Variants in REEP3 observed in about 807,000 individuals in gnomAD.
REEP3 encodes the protein receptor accessory protein 3, also known as receptor expression-enhancing protein 3.
Under a neutral mutation model 41.3 loss-of-function variants are expected in REEP3, and 20 were observed. The observed-to-expected ratio is 0.48, with a 90% CI of 0.34 to 0.70. The LOEUF (loss-of-function observed/expected upper bound fraction) is 0.70, where lower values mean the gene tolerates loss of function less well. REEP3 is among the 30% of genes least tolerant of loss of function. REEP3 has a pLI of 0.01. For synonymous variants in REEP3, 104 were observed against 101.8 expected (o/e 1.02, Z -0.13); for missense variants, 271 against 308.8 (o/e 0.88, Z 0.92).
intron 5 of REEP3, among the ~76,000 whole-genome samples, chr10:63,603,991 C>A (rs953899333): frequency 1.1e-4 from 17 of 152,138 alleles, no homozygotes; most frequent in Non-Finnish European, 2.1e-4. Flanking sequence ...AGAAAGCCAA[C>A]AGTAAGATCT....
intron 1 of REEP3, among the ~76,000 whole-genome samples, chr10:63,531,364 T>G (rs1366593587): frequency 2.0e-5 from 3 of 152,248 alleles, no homozygotes; most frequent in African/African-American, 7.2e-5. Flanking sequence ...TCCTGTGCAT[T>G]GTGGGATGTT....
At chr10:63,575,856 C>T (rs1183892837) in intron 2 of REEP3, among the ~76,000 whole-genome samples, 2 of 152,172 alleles carry the variant, frequency 1.3e-5, no homozygotes, top group East Asian at 1.9e-4. Context: ...GTCTCAGCCT[C>T]CTGAGTAGCT....
intron 1 of REEP3, among the ~76,000 whole-genome samples, chr10:63,523,950 G>A (rs1250201996): frequency 6.6e-6 from 1 of 152,200 alleles, no homozygotes; most frequent in African/African-American, 2.4e-5. Flanking sequence ...CCTAACTGGA[G>A]AGAGGGGATT....
chr10:63,565,692 T>G (rs1955791606), intron 1 of REEP3, among the ~76,000 whole-genome samples: 1 of 152,198 alleles, frequency 6.6e-6, no homozygotes, highest in African/African-American at 2.4e-5. Context: ...AATAAGATAT[T>G]GCCTGTGATT....
At chr10:63,604,889 T>G (rs1956209315) in intron 5 of REEP3, among the ~76,000 whole-genome samples, 2 of 152,298 alleles carry the variant, frequency 1.3e-5, no homozygotes, top group Admixed American at 1.3e-4. Flanking sequence ...GAAACATGAT[T>G]TCTAAAACCC....
At chr10:63,552,927 C>A (rs1430608430) in intron 1 of REEP3, among the ~76,000 whole-genome samples, 1 of 152,174 alleles carries the variant, frequency 6.6e-6, no homozygotes, top group Non-Finnish European at 1.5e-5. Context: ...ATAAAGTTCC[C>A]ACCTCTCTGA....
At chr10:63,596,336 G>A (rs2133407711) in intron 3 of REEP3, among the ~76,000 whole-genome samples, 1 of 152,108 alleles carries the variant, frequency 6.6e-6, no homozygotes, top group East Asian at 1.9e-4. Flanking sequence ...CTACATCGAA[G>A]TTTCCAAGTT....
At chr10:63,592,890 C>G (rs1453709042) in intron 2 of REEP3, among the ~76,000 whole-genome samples, 3 of 151,968 alleles carry the variant, frequency 2.0e-5, no homozygotes, top group Non-Finnish European at 2.9e-5. Context: ...AAGACTCTGT[C>G]TCAAAAAACA....
chr10:63,598,283 C>A, intron 4 of REEP3, 139 bp downstream of exon 4: 1 of 483,886 alleles, frequency 2.1e-6, no homozygotes, highest in Non-Finnish European at 3.6e-6. Flanking sequence ...AATATGAGAC[C>A]AGCCTGGCCA....
intron 1 of REEP3, among the ~76,000 whole-genome samples, chr10:63,560,624 C>G (rs1955731870): frequency 6.6e-6 from 1 of 152,176 alleles, no homozygotes; most frequent in Non-Finnish European, 1.5e-5. Flanking sequence ...AAAATTTCCC[C>G]TCTTTAGACG....
chr10:63,595,024 C>T (rs1209244017), intron 3 of REEP3, among the ~76,000 whole-genome samples, 170 bp downstream of exon 3: 1 of 152,102 alleles, frequency 6.6e-6, no homozygotes, highest in Non-Finnish European at 1.5e-5. Context: ...CTTTTAGTCC[C>T]CATCAAATAA....
rs16918582 is a variant in REEP3 at position 63,544,568 on chromosome 10, A to C, written c.33-21770A>C. ...AGGTGTCAAACATGAGAGGAAGAAA[A>C]GGTTTAGAGAAGGAATGATGAGCTT... On this transcript the variant is annotated intron_variant, in intron 1 of 7. Transcript: ENST00000373758. 1.7e-3 allele frequency among the ~76,000 whole-genome samples: 261 copies of C among 152,224 alleles called. 6 individuals are homozygous for C. The East Asian group carries it at 0.043, about 25-fold the overall frequency.
intron 2 of REEP3, among the ~76,000 whole-genome samples, chr10:63,589,521 C>T (rs1956038068): frequency 6.6e-6 from 1 of 152,156 alleles, no homozygotes; most frequent in African/African-American, 2.4e-5. Flanking sequence ...ACTGCCACCA[C>T]CAGTTAGCTG....
At chr10:63,574,661 G>C (rs1401699264) in intron 2 of REEP3, among the ~76,000 whole-genome samples, 7 of 151,836 alleles carry the variant, frequency 4.6e-5, no homozygotes, top group African/African-American at 7.3e-5. Flanking sequence ...TCACTATCTT[G>C]TTGTTTCATT....
chr10:63,556,523 C>T (rs1273931793), intron 1 of REEP3, among the ~76,000 whole-genome samples: 2 of 141,864 alleles, frequency 1.4e-5, no homozygotes, highest in Non-Finnish European at 3.2e-5. Context: ...GAAAAATTTG[C>T]CCTCTCTCTT....
intron 7 of REEP3, 94 bp from the exon 8 acceptor site, chr10:63,620,719 G>A: frequency 1.4e-6 from 1 of 731,452 alleles, no homozygotes; most frequent in African/African-American, 1.8e-5. Flanking sequence ...TATCAAAAAG[G>A]TAAAAAAATT....
chr10:63,617,115 G>C (rs1379537341), intron 6 of REEP3, among the ~76,000 whole-genome samples: 1 of 151,918 alleles, frequency 6.6e-6, no homozygotes, highest in Non-Finnish European at 1.5e-5. Flanking sequence ...CCAAGCCCTA[G>C]CTACTCTCCT....
chr10:63,603,238 A>G (rs901114741), intron 5 of REEP3, among the ~76,000 whole-genome samples: 9 of 139,374 alleles, frequency 6.5e-5, no homozygotes, highest in African/African-American at 2.1e-4. Context: ...GTGTGAACCC[A>G]GGAGGCGGAG....
intron 5 of REEP3, among the ~76,000 whole-genome samples, chr10:63,602,168 AATAATGG>A (rs1422433149): frequency 6.6e-6 from 1 of 152,156 alleles, no homozygotes; most frequent in Non-Finnish European, 1.5e-5. Context: ...TAAGAAATGA[AATAATGG>A]AGTATGACTG....
Sources: allele counts gnomAD v4.1 joint callset (sites outside exome capture counted in the v4.1 genomes callset), GRCh38; gene constraint gnomAD v4.1.1; transcripts MANE v1.5; gene names NCBI Gene and HGNC (gene_info 2026-07-23, HGNC 2026-07-21).